The following FBXW12 variants were observed in gnomAD, a reference collection of about 807,000 sequenced individuals.
FBXW12 encodes F-box and WD repeat domain containing 12.
FBXW12 carries 43 observed loss-of-function variants against 55.3 expected under a neutral mutation model. The ratio of observed to expected loss-of-function variants is 0.78; its 90% CI spans 0.61 to 1.00. The LOEUF is 1.00. Ranked by LOEUF, FBXW12 falls within the 50% of genes least tolerant of loss-of-function variation. The pLI is 0.00. For missense variants in FBXW12, 524 were observed against 560.5 expected, an observed-to-expected ratio of 0.93 and a Z score of 0.66; for synonymous variants, 184 against 203.8, an observed-to-expected ratio of 0.90 and a Z score of 0.83.
intron 10 of FBXW12, among the ~76,000 whole-genome samples, chr3:48,387,802 C>A (rs2036868685): frequency 1.3e-5 from 2 of 152,230 alleles, no homozygotes; most frequent in South Asian, 4.1e-4. Flanking sequence ...CAGGCTCAAG[C>A]AATCTGCCTA....
At chr3:48,378,027 A>G (rs2036709287) in intron 5 of FBXW12, among the ~76,000 whole-genome samples, 1 of 152,164 alleles carries the variant, frequency 6.6e-6, no homozygotes, top group Non-Finnish European at 1.5e-5. Context: ...ATAGAAAGTG[A>G]CTTGCTGAAG....
rs560277775 is a variant in FBXW12 at position 48,375,967 on chromosome 3, G to A, written c.405+495G>A. Among the ~76,000 whole-genome samples, 51 of 134,294 alleles carry A rather than the reference G, an allele frequency of 3.8e-4. No homozygotes were observed. In the East Asian group the frequency reaches 6.2e-3, roughly 16 times the overall value. The allele number at this position is 134,294 out of a possible 152,430, so 88.1% of individuals were successfully genotyped here. ...TGAGATTACAGGCGTGAGCCACTGC[G>A]CCCGGCCTTTTTTTTTTTTTTTTTT... On this transcript the variant is annotated intron_variant, in intron 5 of 10. Transcript: ENST00000296438.
chr3:48,392,302 T>C (rs1012127571), intron 10 of FBXW12, among the ~76,000 whole-genome samples: 1 of 151,900 alleles, frequency 6.6e-6, no homozygotes, highest in African/African-American at 2.4e-5. Context: ...ATACAAAAAA[T>C]TAGCTGGGCA....
At chr3:48,393,220 T>C (rs2036956760) in intron 10 of FBXW12, among the ~76,000 whole-genome samples, 1 of 152,150 alleles carries the variant, frequency 6.6e-6, no homozygotes, top group African/African-American at 2.4e-5. Context: ...GGTCTCAAAC[T>C]CCTGACCTCA....
In FBXW12 at chr3:48,373,694, CT is replaced by C; in HGVS notation, c.276del (p.Lys93ArgfsTer46). On this transcript the variant is annotated frameshift_variant, in exon 4 of 11. Transcript: ENST00000296438. LOFTEE classifies it high-confidence loss of function. Reference sequence around the variant, plus strand: ...CCGCATAACTTTATCTACAAAGTAACTAAGAACATCGGTATGGGTATAGGTG... The same window carrying C: ...CCGCATAACTTTATCTACAAAGTAACAAGAACATCGGTATGGGTATAGGTG... ...AQPHNFIYKV[T>X]KNIAFETELA... The C allele has an allele frequency of 6.2e-7, 1 of 1,613,852 alleles. No individual in the cohort carries two copies. Among genetic ancestry groups the C allele is most frequent in the Non-Finnish European group, 8.5e-7 (1 of 1,179,782 alleles).
intron 5 of FBXW12, among the ~76,000 whole-genome samples, chr3:48,378,062 G>T (rs1446031451): frequency 6.6e-6 from 1 of 152,150 alleles, no homozygotes; most frequent in African/African-American, 2.4e-5. Flanking sequence ...AGGAGGCAGA[G>T]GTGATTTGAA....
At chr3:48,384,478 G>A (rs149744533) in intron 10 of FBXW12, among the ~76,000 whole-genome samples, 20 of 152,204 alleles carry the variant, frequency 1.3e-4, no homozygotes, top group African/African-American at 2.6e-4. Flanking sequence ...CAATCATGTC[G>A]TCTGTCAAAC....
chr3:48,390,629 G>C (rs2036910792), intron 10 of FBXW12, among the ~76,000 whole-genome samples: 2 of 151,416 alleles, frequency 1.3e-5, no homozygotes, highest in Non-Finnish European at 2.9e-5. Context: ...GGCCAGGCTG[G>C]TCTCAAACTC....
At chr3:48,388,155 A>G (rs1005180778) in intron 10 of FBXW12, among the ~76,000 whole-genome samples, 3 of 152,036 alleles carry the variant, frequency 2.0e-5, no homozygotes, top group Admixed American at 1.3e-4. Context: ...TATTTTCTTC[A>G]TTCTTTTATA....
At chr3:48,390,356 G>A (rs1443555256) in intron 10 of FBXW12, among the ~76,000 whole-genome samples, 3 of 149,234 alleles carry the variant, frequency 2.0e-5, no homozygotes, top group African/African-American at 7.4e-5. Context: ...TCTACTCTAT[G>A]AGCATGAAAT....
Position 48,387,885 on chromosome 3 carries a change from G to A in FBXW12, c.1295+5800G>A, listed in dbSNP as rs1023609088. On this transcript the variant is annotated intron_variant, in intron 10 of 10. Transcript: ENST00000296438. ...TGACATTTATTAGTCTCTTAAGGTG[G>A]ATGTTTAGATCATTGATTTCTGACC... Among the ~76,000 whole-genome samples, 11 of 152,112 alleles carry A rather than the reference G, an allele frequency of 7.2e-5. 1 individual carries two copies. The South Asian group carries it at 1.2e-3, about 17-fold the overall frequency.
chr3:48,386,862 T>C (rs1241351063), intron 10 of FBXW12, among the ~76,000 whole-genome samples: 1 of 152,098 alleles, frequency 6.6e-6, no homozygotes, highest in Non-Finnish European at 1.5e-5. Flanking sequence ...TTACATATTG[T>C]GAATTGAGTT....
chr3:48,372,640 G>T, intron 1 of FBXW12, 44 bp from the exon 2 acceptor site: 1 of 1,576,958 alleles, frequency 6.3e-7, no homozygotes, highest in Non-Finnish European at 8.6e-7. Flanking sequence ...CCTGCAGCTT[G>T]TTTCTACCGC....
chr3:48,375,879 G>A (rs1304173037), intron 5 of FBXW12, among the ~76,000 whole-genome samples: 1 of 148,902 alleles, frequency 6.7e-6, no homozygotes, highest in Non-Finnish European at 1.5e-5. Flanking sequence ...GTTTCACCAT[G>A]TTAGCCAGGA....
Position 48,379,487 on chromosome 3 carries a change from G to A in FBXW12, c.703G>A (p.Val235Ile), listed in dbSNP as rs2036734040. 1.2e-6 allele frequency: 2 copies of A among 1,613,952 alleles called. No individual in the cohort carries two copies. The highest frequency in any genetic ancestry group is 1.3e-5 in the African/African-American group (1 of 75,026). The change falls in exon 7 of 11, where the codon GTA becomes ATA. Residue 235 changes from valine (V) to isoleucine (I), a missense_variant. Val to Ile is a conservative substitution (Grantham distance 29). Transcript: ENST00000296438. Reference sequence around the variant, plus strand: ...AGTTACTGCATTTCAATATGGTATTGTACTTCTACACTGCTCTCCTGACAA... The same window carrying A: ...AGTTACTGCATTTCAATATGGTATTATACTTCTACACTGCTCTCCTGACAA... ...SKVTAFQYGI[V>I]LLHCSPDKKW...
At chr3:48,376,130 C>A (rs567567575) in intron 5 of FBXW12, among the ~76,000 whole-genome samples, 2 of 151,712 alleles carry the variant, frequency 1.3e-5, no homozygotes, top group African/African-American at 2.4e-5. Flanking sequence ...TACAGGCGCG[C>A]GCCACGATGC....
chr3:48,372,654 C>G (rs751526970), intron 1 of FBXW12, 30 bp from the exon 2 acceptor site: 4 of 1,593,474 alleles, frequency 2.5e-6, no homozygotes, highest in Non-Finnish European at 3.4e-6. Flanking sequence ...CTACCGCACA[C>G]AGATGGGCAT....
intron 5 of FBXW12, among the ~76,000 whole-genome samples, chr3:48,375,953 G>C (rs529532318): frequency 2.0e-5 from 3 of 149,100 alleles, no homozygotes; most frequent in African/African-American, 7.5e-5. Flanking sequence ...GAGATTACAG[G>C]CGTGAGCCAC....
chr3:48,393,961 T>C (rs1303450692), intron 10 of FBXW12, among the ~76,000 whole-genome samples: 1 of 151,964 alleles, frequency 6.6e-6, no homozygotes, highest in Non-Finnish European at 1.5e-5. Flanking sequence ...GTATTTTTAG[T>C]AGAGACGAGG....
Sources: gnomAD v4.1 joint callset for allele counts (sites outside exome capture counted in the v4.1 genomes callset) on GRCh38, gnomAD v4.1.1 for gene constraint, MANE v1.5 for transcripts, NCBI Gene and HGNC (gene_info 2026-07-23, HGNC 2026-07-21) for gene names.